Variants in CEP76 observed in about 807,000 individuals in gnomAD.
CEP76 encodes centrosomal protein 76, also known as centrosomal protein of 76 kDa.
CEP76 carries 55 observed loss-of-function variants against 83.3 expected under a neutral mutation model. The ratio of observed to expected loss-of-function variants is 0.66; its 90% CI spans 0.53 to 0.83. CEP76 has a LOEUF of 0.83. CEP76 is among the 40% of genes least tolerant of loss of function. CEP76 has a pLI of 0.00. For missense variants in CEP76, 694 were observed against 799.5 expected (o/e 0.87, Z 1.59); for synonymous variants, 270 against 274.5 (o/e 0.98, Z 0.16).
intron 8 of CEP76, among the ~76,000 whole-genome samples, chr18:12,683,904 A>T (rs2039444180): frequency 6.6e-6 from 1 of 151,848 alleles, no homozygotes; most frequent in South Asian, 2.1e-4. Flanking sequence ...ATATAAAAAG[A>T]AATAATAAAC....
At chr18:12,682,603 G>A (rs1331247641) in intron 8 of CEP76, among the ~76,000 whole-genome samples, 10 of 151,930 alleles carry the variant, frequency 6.6e-5, no homozygotes, top group Non-Finnish European at 5.9e-5. Flanking sequence ...TTACAAAAAT[G>A]TAATAACCAA....
chr18:12,673,752 G>A (rs982123695), intron 11 of CEP76, among the ~76,000 whole-genome samples: 7 of 152,040 alleles, frequency 4.6e-5, no homozygotes, highest in African/African-American at 1.7e-4. Flanking sequence ...GTGGTGGCGG[G>A]CGTCTGTAAT....
downstream of CEP76, among the ~76,000 whole-genome samples, chr18:12,669,032 C>G (rs947079365): frequency 7.1e-5 from 3 of 41,960 alleles, no homozygotes; most frequent in African/African-American, 2.8e-4. Flanking sequence ...ACCCCCCGCA[C>G]TTTTTTTTTT....
chr18:12,695,887 A>ACACACACACAC (rs1568030597), intron 5 of CEP76, among the ~76,000 whole-genome samples: 15 of 132,724 alleles, frequency 1.1e-4, no homozygotes, highest in African/African-American at 4.0e-4. Context: ...CACACACACT[A>ACACACACACAC]AAAATTAGAA....
Position 12,680,692 on chromosome 18 carries a change from A to G in CEP76, c.1259T>C (p.Ile420Thr), listed in dbSNP as rs1034995533. The G allele has an allele frequency of 7.4e-6, 12 of 1,612,630 alleles. No individual in the cohort carries two copies. The highest frequency in any genetic ancestry group is 1.0e-5 in the Non-Finnish European group (12 of 1,179,402). The change falls in exon 9 of 12, where the codon ATC becomes ACC. Residue 420 changes from isoleucine to threonine, a missense_variant. Ile to Thr is a moderately conservative substitution (Grantham distance 89). Coordinates refer to ENST00000262127, the MANE Select transcript of CEP76 (RefSeq NM_024899.4). ...TCCTGTTAAACTCTCCCAAAAAGTGATGGCCCCATCAGTTCCACAAGTCAT... is the reference window on the plus strand; with the variant it reads ...TCCTGTTAAACTCTCCCAAAAAGTGGTGGCCCCATCAGTTCCACAAGTCAT... The part of the protein sequence containing the change: ...WVMTCGTDGA[I>T]TFWESLTGHR...
chr18:12,684,399 GCCAC>G (rs1284497136), intron 8 of CEP76: 1 of 151,788 alleles, frequency 6.6e-6, no homozygotes, highest in Admixed American at 6.6e-5. Context: ...GCGGGCATGA[GCCAC>G]CATGCCTGGC....
chr18:12,680,665 T>C lies in CEP76; in HGVS notation c.1286A>G (p.His429Arg), dbSNP rs1263479970. The C allele has an allele frequency of 1.2e-6, 2 of 1,604,242 alleles. No homozygotes were observed. The highest frequency in any genetic ancestry group is 1.7e-6 in the Non-Finnish European group (2 of 1,175,108). ...CTTATAAACTTAGTAAACTAACCTG[T>C]GTCCTGTTAAACTCTCCCAAAAAGT... Reference protein sequence around the residue: ...AITFWESLTGHRYIHKPTNPD... With the variant: ...AITFWESLTGRRYIHKPTNPD... The change falls in exon 9 of 12, where the codon CAC becomes CGC. Residue 429 changes from histidine to arginine, a missense_variant. Transcript: ENST00000262127.
chr18:12,674,304 T>TCAC (rs1031439754), intron 11 of CEP76, among the ~76,000 whole-genome samples: 2 of 151,902 alleles, frequency 1.3e-5, no homozygotes, highest in Non-Finnish European at 2.9e-5. Context: ...TAGCCAGGTA[T>TCAC]GGTGGCACAT....
rs547835291 is a variant in CEP76, at chr18:12,684,063, C to T, written c.1122+2199G>A. Among the ~76,000 whole-genome samples the T allele has an allele frequency of 6.6e-5, 10 of 151,280 alleles. No homozygotes were observed. The South Asian group carries it at 2.1e-3, about 32-fold the overall frequency. ...TTTTTGAGACAGAGTCTTGCTCTGT[C>T]GTCCAGTTTGGAGTGCAGTGGCGCG... On this transcript the variant is annotated intron_variant, in intron 8 of 11. Coordinates refer to ENST00000262127, the MANE Select transcript of CEP76 (RefSeq NM_024899.4).
intron 7 of CEP76, 68 bp downstream of exon 7, chr18:12,691,291 T>C (rs2039752843): frequency 9.1e-6 from 9 of 993,940 alleles, no homozygotes; most frequent in Non-Finnish European, 1.2e-5. Flanking sequence ...AAATATTAAA[T>C]GAAATTTACA....
At chr18:12,682,046 G>C (rs2039369724) in intron 8 of CEP76, among the ~76,000 whole-genome samples, 1 of 151,828 alleles carries the variant, frequency 6.6e-6, no homozygotes. Context: ...TGTGTTCTGT[G>C]AAAAAAATTA....
At chr18:12,662,323 C>T (rs2144937689) in intron 12 of CEP76, among the ~76,000 whole-genome samples, 1 of 152,248 alleles carries the variant, frequency 6.6e-6, no homozygotes, top group South Asian at 2.1e-4. Context: ...CTTGAAGGGT[C>T]AGATATTATT....
chr18:12,672,836 T>C lies in CEP76; in HGVS notation c.*529A>G. 3 of 985,102 alleles carry C rather than the reference T, an allele frequency of 3.0e-6. No individual in the cohort carries two copies. Among genetic ancestry groups the C allele is most frequent in the Non-Finnish European group, 3.6e-6 (3 of 829,476 alleles). The allele number at this position is 985,102 out of a possible 1,614,324, so 61.0% of individuals were successfully genotyped here. A position where few individuals can be genotyped will look rare whatever the true frequency, so the allele number is the denominator to read the frequency against. ...GCTTCAAGGTCCAACCATAAATTTCTGGACAGTCTCAAATATCCCAAGGAC... is the reference window on the plus strand; with the variant it reads ...GCTTCAAGGTCCAACCATAAATTTCCGGACAGTCTCAAATATCCCAAGGAC... On this transcript the variant is annotated 3_prime_UTR_variant, in exon 12 of 12. Coordinates refer to ENST00000262127, the MANE Select transcript of CEP76 (RefSeq NM_024899.4).
chr18:12,667,226 TGA>T (rs2038821254), intron 12 of CEP76, among the ~76,000 whole-genome samples: 2 of 152,238 alleles, frequency 1.3e-5, no homozygotes, highest in Admixed American at 1.3e-4. Flanking sequence ...TTTGGGAGGC[TGA>T]GTGAGGAGGA....
rs141149668 is a variant in CEP76 at position 12,691,552 on chromosome 18, G to A, written c.805-65C>T. The A allele has an allele frequency of 4.7e-3, 5,871 of 1,239,018 alleles. 22 individuals carry two copies. The highest frequency in any genetic ancestry group is 5.7e-3 in the Non-Finnish European group (5,064 of 884,180). The allele number at this position is 1,239,018 out of a possible 1,614,324, so 76.8% of individuals were successfully genotyped here. A position where few individuals can be genotyped will look rare whatever the true frequency, so the allele number is the denominator to read the frequency against. On this transcript the variant is annotated intron_variant, in intron 6 of 11. Coordinates refer to ENST00000262127, the MANE Select transcript of CEP76 (RefSeq NM_024899.4). ...ATCTTTAATTACTACAAAATATGTAGCAAATTTATCTACTTCTCTACATCA... is the reference window on the plus strand; with the variant it reads ...ATCTTTAATTACTACAAAATATGTAACAAATTTATCTACTTCTCTACATCA...
At chr18:12,698,846 A>G in intron 4 of CEP76, 133 bp downstream of exon 4, 1 of 640,136 alleles carries the variant, frequency 1.6e-6, no homozygotes, top group South Asian at 2.2e-5. Flanking sequence ...TAAATTGAAA[A>G]GAGCAGTGGG....
chr18:12,701,230 G>C, intron 1 of CEP76, 117 bp from the exon 2 acceptor site: 2 of 695,850 alleles, frequency 2.9e-6, no homozygotes, highest in Non-Finnish European at 4.8e-6. Flanking sequence ...CAATTGAATG[G>C]GAACAAAGGT....
chr18:12,687,150 C>T lies in CEP76; in HGVS notation c.934-700G>A, dbSNP rs369113813. On this transcript the variant is annotated intron_variant, in intron 7 of 11. Transcript: ENST00000262127. ...TACCTTCATGGTTACTGATACGGCA[C>T]TGTGAAAGGGCCACTTACTATTCAA... 1.5e-3 allele frequency among the ~76,000 whole-genome samples: 225 copies of T among 152,244 alleles called. 1 individual carries two copies. The highest frequency in any genetic ancestry group is 5.1e-3 in the African/African-American group (210 of 41,560).
At chr18:12,689,617 TC>T (rs2039674390) in intron 7 of CEP76, among the ~76,000 whole-genome samples, 1 of 152,164 alleles carries the variant, frequency 6.6e-6, no homozygotes, top group Non-Finnish European at 1.5e-5. Context: ...TTCCTTGACT[TC>T]CTTAGTGCAT....
Sources: allele counts gnomAD v4.1 joint callset (sites outside exome capture counted in the v4.1 genomes callset), GRCh38; gene constraint gnomAD v4.1.1; transcripts MANE v1.5; gene names NCBI Gene and HGNC (gene_info 2026-07-23, HGNC 2026-07-21).